VWCE: variants seen among roughly 807,000 people sequenced by gnomAD.
VWCE encodes the protein von Willebrand factor C and EGF domains, also known as von Willebrand factor C and EGF domain-containing protein.
VWCE carries 68 observed loss-of-function variants against 102.9 expected under a neutral mutation model. The ratio of observed to expected loss-of-function variants is 0.66; its 90% CI spans 0.54 to 0.81. The LOEUF (loss-of-function observed/expected upper bound fraction) is 0.81. Ranked by LOEUF, VWCE falls within the 30% of genes least tolerant of loss-of-function variation. The pLI is 0.00. For missense variants in VWCE, 1,137 were observed against 1,263.6 expected, an observed-to-expected ratio of 0.90 and a Z score of 1.52; for synonymous variants, 497 against 515.4, an observed-to-expected ratio of 0.96 and a Z score of 0.48.
chr11:61,272,352 C>T (rs1854742295), intron 13 of VWCE, among the ~76,000 whole-genome samples: 1 of 151,984 alleles, frequency 6.6e-6, no homozygotes, highest in Admixed American at 6.6e-5. Context: ...CACACAGACA[C>T]ACTCATAGAA....
At chr11:61,291,057 C>T in intron 3 of VWCE, 130 bp from the exon 4 acceptor site, 1 of 1,412,934 alleles carries the variant, frequency 7.1e-7, no homozygotes, top group Admixed American at 2.5e-5. Flanking sequence ...TTAAATCCAG[C>T]TCTGCCATTT....
chr11:61,277,116 AAGAAAGAGAG>A (rs1188124623), intron 10 of VWCE, among the ~76,000 whole-genome samples: 1 of 138,942 alleles, frequency 7.2e-6, no homozygotes, highest in Non-Finnish European at 1.6e-5. Context: ...GTGAGAGAGA[AAGAAAGAGAG>A]AGAAAGAGAA....
chr11:61,283,521 C>T (rs953174334), intron 5 of VWCE, among the ~76,000 whole-genome samples: 5 of 152,220 alleles, frequency 3.3e-5, no homozygotes, highest in African/African-American at 1.2e-4. Context: ...AAGCAGTTCT[C>T]CTGCCTCAGC....
At chr11:61,265,335 A>T in intron 16 of VWCE, 123 bp from the exon 17 acceptor site, 1 of 878,682 alleles carries the variant, frequency 1.1e-6, no homozygotes, top group Non-Finnish European at 1.7e-6. Flanking sequence ...GGAGGAGTCC[A>T]TGGTGGGGCA....
At position 61,265,176 on chromosome 11, in the gene VWCE, T is replaced by C. The variant is rs1261661014; in HGVS notation, c.2002A>G (p.Ile668Val). 6.5e-7 allele frequency: 1 copy of C among 1,533,888 alleles called. No individual in the cohort carries two copies. Among genetic ancestry groups the C allele is most frequent in the Non-Finnish European group, 8.8e-7 (1 of 1,139,144 alleles). Residue 668 changes from isoleucine to valine, a missense_variant, in exon 17 of 20, where the codon ATC becomes GTC. By Grantham distance (29) the Ile-to-Val change is conservative. Coordinates refer to ENST00000335613, the MANE Select transcript of VWCE (RefSeq NM_152718.2). ...GGGTGGAAAGGGTAGGTACAGGTGATGGGGCAGTCCACGGGGGAACAGGCC... is the reference window on the plus strand; with the variant it reads ...GGGTGGAAAGGGTAGGTACAGGTGACGGGGCAGTCCACGGGGGAACAGGCC... ...SVACSPVDCP[I>V]TCTYPFHPDG...
In VWCE at chr11:61,258,924, C is replaced by G. The variant is rs200964667; in HGVS notation, c.2619G>C (p.Glu873Asp). 39 of 1,548,250 alleles carry G rather than the reference C, an allele frequency of 2.5e-5. No homozygotes were observed. Among genetic ancestry groups the G allele is most frequent in the Non-Finnish European group, 3.3e-5 (38 of 1,150,954 alleles). Residue 873 changes from glutamate (E) to aspartate (D), a missense_variant, in exon 20 of 20, where the codon GAG becomes GAC. Glu to Asp is a conservative substitution (Grantham distance 45). Around this residue, in one of 5 missense-constraint regions of VWCE, gnomAD observed 316 missense variants for 319.3 expected, o/e 0.99. Coordinates refer to ENST00000335613, the MANE Select transcript of VWCE (RefSeq NM_152718.2). ...GAPQPPPVTPERSFSASGAQI... is the reference protein window; with the variant it reads ...GAPQPPPVTPDRSFSASGAQI... ...GGGCCCCAGAGGCTGAGAACGAGCG[C>G]TCTGGAGTCACAGGAGGTGGCTGAG...
chr11:61,272,357 A>G (rs1854742830), intron 13 of VWCE, among the ~76,000 whole-genome samples: 1 of 152,130 alleles, frequency 6.6e-6, no homozygotes, highest in African/African-American at 2.4e-5. Flanking sequence ...AGACACACTC[A>G]TAGAATCATA....
intron 9 of VWCE, 61 bp downstream of exon 9, chr11:61,280,563 G>T: frequency 6.5e-7 from 1 of 1,546,860 alleles, no homozygotes. Flanking sequence ...CCTTTTGGCT[G>T]CAGGAGGGTG....
Position 61,265,124 on chromosome 11 carries a change from C to G in VWCE, c.2054G>C (p.Arg685Pro), listed in dbSNP as rs1281824854. Residue 685 changes from arginine (R) to proline (P), a missense_variant and splice_region_variant, in exon 17 of 20, where the codon CGA (arginine) becomes CCA (proline). By Grantham distance (103) the Arg-to-Pro change is moderately radical. Coordinates refer to ENST00000335613, the MANE Select transcript of VWCE (RefSeq NM_152718.2). ...GTGGGGCAGCTGGTCCCACTCACCT[C>G]GGCACACGGGGCAGCACTCCCCGTC... ...HPDGECCPVC[R>P]DCNYEGRKVA... 6.2e-7 allele frequency: 1 copy of G among 1,608,328 alleles called. No individual in the cohort carries two copies. The highest frequency in any genetic ancestry group is 8.5e-7 in the Non-Finnish European group (1 of 1,177,128).
intron 6 of VWCE, 61 bp from the exon 7 acceptor site, chr11:61,281,975 C>T (rs1461465127): frequency 1.3e-6 from 2 of 1,574,724 alleles, no homozygotes; most frequent in Non-Finnish European, 1.7e-6. Context: ...CTTCTTCCGC[C>T]CATCCCTTAG....
At chr11:61,287,991 T>TA (rs748123438) in intron 4 of VWCE, among the ~76,000 whole-genome samples, 126 of 148,824 alleles carry the variant, frequency 8.5e-4, no homozygotes, top group African/African-American at 2.1e-3. Context: ...CCGTCTCTAC[T>TA]AAAAAAAAAT....
chr11:61,280,200 C>A (rs1392082207), intron 9 of VWCE, among the ~76,000 whole-genome samples: 4 of 152,140 alleles, frequency 2.6e-5, no homozygotes, highest in Non-Finnish European at 4.4e-5. Context: ...AATTTAGAAA[C>A]AACTACTCCT....
chr11:61,272,736 CACAG>C (rs1220876509), intron 13 of VWCE, among the ~76,000 whole-genome samples: 6 of 151,946 alleles, frequency 3.9e-5, no homozygotes, highest in East Asian at 1.9e-4. Context: ...ACTACTCACA[CACAG>C]ACACACAAAC....
At chr11:61,273,604 C>T in intron 12 of VWCE, 1 of 432,762 alleles carries the variant, frequency 2.3e-6, no homozygotes, top group East Asian at 4.3e-5. Context: ...ATCCAGGCTC[C>T]CTACTGCCTA....
chr11:61,268,800 G>T, intron 15 of VWCE, 122 bp downstream of exon 15: 1 of 943,512 alleles, frequency 1.1e-6, no homozygotes, highest in Non-Finnish European at 1.6e-6. Flanking sequence ...TTCCTTATCT[G>T]TGCAATGGGG....
rs781538933 is a variant in VWCE at position 61,280,678 on chromosome 11, C to A, written c.1270G>T (p.Ala424Ser). ...VTCEKVRCEA[A>S]CSHPIPSRDG... is the part of the protein sequence containing the mutation. ...CTGGAGGGAATTGGGTGGGAACAAG[C>A]AGCTTCACACCTCACCTTTTCACAG... Residue 424 changes from alanine to serine, a missense_variant, in exon 9 of 20, where the codon GCT becomes TCT. Physicochemically the swap from Ala to Ser is moderately conservative, Grantham distance 99 (BLOSUM62 1). Coordinates refer to ENST00000335613, the MANE Select transcript of VWCE (RefSeq NM_152718.2). The A allele has an allele frequency of 1.6e-5, 26 of 1,614,048 alleles. No homozygotes were observed. In the South Asian group the frequency reaches 2.3e-4, roughly 14 times the overall value.
At chr11:61,272,679 C>T (rs1408787042) in intron 13 of VWCE, among the ~76,000 whole-genome samples, 2 of 151,948 alleles carry the variant, frequency 1.3e-5, no homozygotes, top group South Asian at 4.2e-4. Flanking sequence ...AATTTACACA[C>T]ATTCATACAA....
At chr11:61,290,701 A>T in intron 4 of VWCE, 98 bp downstream of exon 4, 6 of 1,404,256 alleles carry the variant, frequency 4.3e-6, no homozygotes, top group Middle Eastern at 2.5e-4. Flanking sequence ...GGCTCAGCTT[A>T]GCCTTGCAAT....
Position 61,258,698 on chromosome 11 carries a change from G to A in VWCE, c.2845C>T (p.Arg949Trp), listed in dbSNP as rs199724001. ...GPQQPPVGAS[R>W]GEESTM ...CCTTACATGGTGGACTCTTCCCCCCGAGAAGCCCCCACTGGGGGCTGCTGG... is the reference window on the plus strand; with the variant it reads ...CCTTACATGGTGGACTCTTCCCCCCAAGAAGCCCCCACTGGGGGCTGCTGG... The change falls in exon 20 of 20, where the codon CGG (arginine) becomes TGG (tryptophan). Residue 949 changes from arginine to tryptophan, a missense_variant. By Grantham distance (101) the Arg-to-Trp change is moderately radical. Transcript: ENST00000335613. 5.7e-5 allele frequency: 79 copies of A among 1,393,716 alleles called. No individual in the cohort carries two copies. Among genetic ancestry groups the A allele is most frequent in the Admixed American group, 1.4e-4 (5 of 36,642 alleles). The allele number at this position is 1,393,716 out of a possible 1,614,324, so 86.3% of individuals were successfully genotyped here.
Sources: gnomAD v4.1 joint callset for allele counts (sites outside exome capture counted in the v4.1 genomes callset) on GRCh38, gnomAD v4.1.1 for gene constraint, gnomAD v4.1.1 regional missense constraint, MANE v1.5 for transcripts, NCBI Gene and HGNC (gene_info 2026-07-23, HGNC 2026-07-21) for gene names.